The following ADGRF1 variants were observed in gnomAD, a reference collection of about 807,000 sequenced individuals.
ADGRF1 encodes adhesion G protein-coupled receptor F1.
Under a neutral mutation model 87.2 loss-of-function variants are expected in ADGRF1, and 85 were observed. The observed-to-expected ratio is 0.97, with a 90% CI of 0.82 to 1.17. The LOEUF is 1.17. Among genes scored for constraint, ADGRF1 ranks in the 50% most tolerant of loss-of-function variants. ADGRF1 has a pLI of 0.00. For synonymous variants in ADGRF1, 430 were observed against 408.8 expected (o/e 1.05, Z -0.63); for missense variants, 1,169 against 1,077.2 (o/e 1.09, Z -1.19).
In ADGRF1 at chr6:47,000,029, G is replaced by T; in HGVS notation, c.*193C>A. 1 of 509,956 alleles carries T rather than the reference G, an allele frequency of 2.0e-6. No individual in the cohort carries two copies. The highest frequency in any genetic ancestry group is 2.7e-5 in the South Asian group (1 of 36,604). 31.6% of individuals were successfully genotyped at this position (509,956 alleles called of 1,614,324 possible). On this transcript the variant is annotated 3_prime_UTR_variant, in exon 15 of 15. Transcript: ENST00000371253. ...CACTTTCTTTGAATCAAATCACATG[G>T]AAATAAATCTTCTTTTCATTTAATT...
intron 2 of ADGRF1, among the ~76,000 whole-genome samples, chr6:47,028,777 A>G (rs560141897): frequency 6.6e-6 from 1 of 152,330 alleles, no homozygotes; most frequent in Non-Finnish European, 1.5e-5. Context: ...CTCCTTTTGC[A>G]GTTTGATCAT....
chr6:47,036,871 C>T (rs1390486559), intron 1 of ADGRF1, among the ~76,000 whole-genome samples: 2 of 152,164 alleles, frequency 1.3e-5, no homozygotes, highest in African/African-American at 2.4e-5. Context: ...AGATTCTACA[C>T]CATACAGAAT....
chr6:47,014,203 T>C lies in ADGRF1; in HGVS notation c.927+478A>G, dbSNP rs529282143. On this transcript the variant is annotated intron_variant, in intron 9 of 14. Transcript: ENST00000371253. ...TGCAAAATGAGGTTGGTAAACCAGATGCCCCTTAAGGTCCATTGCAGTTCA... is the reference window on the plus strand; with the variant it reads ...TGCAAAATGAGGTTGGTAAACCAGACGCCCCTTAAGGTCCATTGCAGTTCA... 23 of 965,876 alleles carry C rather than the reference T, an allele frequency of 2.4e-5. No individual in the cohort carries two copies. The South Asian group carries it at 4.8e-4, about 20-fold the overall frequency. The allele number at this position is 965,876 out of a possible 1,614,324, so 59.8% of individuals were successfully genotyped here. A position where few individuals can be genotyped will look rare whatever the true frequency, so the allele number is the denominator to read the frequency against.
chr6:47,030,537 C>T (rs1452714463), intron 1 of ADGRF1, among the ~76,000 whole-genome samples: 4 of 149,910 alleles, frequency 2.7e-5, no homozygotes, highest in South Asian at 2.1e-4. Context: ...ACTTTCTTGA[C>T]AGGATCCCAT....
intron 1 of ADGRF1, among the ~76,000 whole-genome samples, chr6:47,030,444 T>C (rs1371200420): frequency 2.0e-5 from 3 of 152,194 alleles, no homozygotes; most frequent in East Asian, 3.9e-4. Flanking sequence ...ACAGCTTATC[T>C]GCTGTGAGTT....
chr6:47,036,414 A>G (rs993680046), intron 1 of ADGRF1, among the ~76,000 whole-genome samples: 1 of 152,184 alleles, frequency 6.6e-6, no homozygotes, highest in Admixed American at 6.5e-5. Flanking sequence ...ATTACACAAG[A>G]AAAAACAAGC....
intron 1 of ADGRF1, among the ~76,000 whole-genome samples, chr6:47,030,576 A>G (rs200288334): frequency 3.5e-4 from 48 of 138,564 alleles, no homozygotes; most frequent in South Asian, 7.4e-4. Context: ...TAACATGAAT[A>G]TGTGTGTGTG....
rs1335378205 is a variant in ADGRF1, at chr6:47,021,948, A to G, written c.552+10T>C. 3 of 1,425,424 alleles carry G rather than the reference A, an allele frequency of 2.1e-6. No homozygotes were observed. Among genetic ancestry groups the G allele is most frequent in the Non-Finnish European group, 2.0e-6 (2 of 1,017,970 alleles). 88.3% of individuals were successfully genotyped at this position (1,425,424 alleles called of 1,614,324 possible). A position where few individuals can be genotyped will look rare whatever the true frequency, so the allele number is the denominator to read the frequency against. On this transcript the variant is annotated intron_variant, in intron 6 of 14. Coordinates refer to ENST00000371253, the MANE Select transcript of ADGRF1 (RefSeq NM_153840.4). ...AACGATTCCTTATATAATAAGTAGA[A>G]AGTGCTTACTTGAATTTCAATTCCA...
intron 10 of ADGRF1, among the ~76,000 whole-genome samples, chr6:47,011,185 T>C (rs1310225223): frequency 1.3e-5 from 2 of 152,230 alleles, no homozygotes; most frequent in Admixed American, 1.3e-4. Context: ...GTTGGTCTCT[T>C]GTAAACAACA....
chr6:47,013,626 C>G, intron 9 of ADGRF1: 2 of 985,374 alleles, frequency 2.0e-6, no homozygotes, highest in Non-Finnish European at 2.4e-6. Context: ...AATACTTGAA[C>G]CTTCCTAAGA....
Position 47,023,978 on chromosome 6 carries a change from G to A in ADGRF1, c.451+66C>T, listed in dbSNP as rs545755977. On this transcript the variant is annotated intron_variant, in intron 5 of 14. Transcript: ENST00000371253. ...CATTGACTAGCTAGACAATGAGCAA[G>A]CGTCCCCTCTCTGTTGCATGTTGGG... 19 of 1,395,656 alleles carry A rather than the reference G, an allele frequency of 1.4e-5. No individual in the cohort carries two copies. In the African/African-American group the frequency reaches 2.7e-4, roughly 20 times the overall value. The allele number at this position is 1,395,656 out of a possible 1,614,324, so 86.5% of individuals were successfully genotyped here.
intron 1 of ADGRF1, among the ~76,000 whole-genome samples, chr6:47,039,431 A>G (rs1780675016): frequency 6.6e-6 from 1 of 152,172 alleles, no homozygotes; most frequent in Non-Finnish European, 1.5e-5. Context: ...CATTCTCAAC[A>G]TGCCAGGTCC....
At chr6:47,041,876 G>A (rs181054678) in intron 1 of ADGRF1, among the ~76,000 whole-genome samples, 26 of 152,214 alleles carry the variant, frequency 1.7e-4, no homozygotes, top group Non-Finnish European at 4.4e-5. Flanking sequence ...TTTATTCTAG[G>A]CAATCTACCT....
chr6:47,026,444 C>T (rs923734161), intron 3 of ADGRF1, among the ~76,000 whole-genome samples: 1 of 151,594 alleles, frequency 6.6e-6, no homozygotes, highest in African/African-American at 2.4e-5. Flanking sequence ...TTACAAAGAG[C>T]CCTTTCTTCT....
chr6:47,027,782 A>T (rs747124351), intron 2 of ADGRF1, 21 bp from the exon 3 acceptor site: 1 of 1,243,538 alleles, frequency 8.0e-7, no homozygotes, highest in Non-Finnish European at 1.2e-6. Context: ...GAAAAAAAAT[A>T]GTTACGGTGA....
chr6:47,031,817 C>T (rs1780440062), intron 1 of ADGRF1, among the ~76,000 whole-genome samples: 1 of 152,148 alleles, frequency 6.6e-6, no homozygotes, highest in Non-Finnish European at 1.5e-5. Context: ...GCCTTGACCT[C>T]CTGGTTACAA....
rs746582230 is a variant in ADGRF1 at position 47,016,621 on chromosome 6, T to A, written c.759A>T (p.Gly253=). The part of the protein sequence containing the change: ...PLEDGSFRVF[G]KAQCNDIVFG... The stretch of plus-strand genomic sequence containing the variant: ...AGGATGGGAATCCAGCATTACCTTT[T>A]CCGAACACTCTGAAAGAGCCGTCTT... The change falls in exon 8 of 15, where the codon GGA becomes GGT. Residue 253 remains glycine, a synonymous_variant. Coordinates refer to ENST00000371253, the MANE Select transcript of ADGRF1 (RefSeq NM_153840.4). The A allele has an allele frequency of 5.0e-6, 8 of 1,601,894 alleles. No individual in the cohort carries two copies. The highest frequency in any genetic ancestry group is 6.8e-6 in the Non-Finnish European group (8 of 1,171,484).
At chr6:47,002,725 A>G (rs1779394142) in intron 13 of ADGRF1, among the ~76,000 whole-genome samples, 1 of 152,148 alleles carries the variant, frequency 6.6e-6, no homozygotes, top group African/African-American at 2.4e-5. Context: ...AGGGGGGTCC[A>G]TTGAGGCCAC....
intron 8 of ADGRF1, among the ~76,000 whole-genome samples, chr6:47,015,420 T>TA (rs72299116): frequency 0.011 from 1,658 of 152,008 alleles, 27 homozygotes; most frequent in African/African-American, 0.038. Flanking sequence ...CTATGATTTT[T>TA]TTTTTTTCAG....
Sources: gnomAD v4.1 joint callset for allele counts (sites outside exome capture counted in the v4.1 genomes callset) on GRCh38, gnomAD v4.1.1 for gene constraint, MANE v1.5 for transcripts, NCBI Gene and HGNC (gene_info 2026-07-23, HGNC 2026-07-21) for gene names.